Variants in NEIL2 observed in about 807,000 individuals in gnomAD.
NEIL2 encodes nei like DNA glycosylase 2.
In NEIL2, 23 loss-of-function variants were observed where a neutral mutation model predicts 22.2. The ratio of observed to expected loss-of-function variants is 1.04; its 90% CI spans 0.75 to 1.47. The LOEUF is 1.47. Ranked by LOEUF, NEIL2 falls within the 40% of genes most tolerant of loss-of-function variation. The pLI, the probability that NEIL2 is intolerant of heterozygous loss-of-function variation, is 0.00. For synonymous variants in NEIL2, 229 were observed against 164.8 expected (o/e 1.39, Z -2.99); for missense variants, 583 against 404.7 (o/e 1.44, Z -3.78).
chr8:11,781,616 A>T (rs1407941977), intron 3 of NEIL2, among the ~76,000 whole-genome samples: 1 of 152,198 alleles, frequency 6.6e-6, no homozygotes, highest in Non-Finnish European at 1.5e-5. Context: ...CCGTAGAGTG[A>T]ATGTGTATCA....
At chr8:11,785,532 A>G (rs922405764) in intron 4 of NEIL2, among the ~76,000 whole-genome samples, 5 of 152,206 alleles carry the variant, frequency 3.3e-5, no homozygotes, top group African/African-American at 1.2e-4. Context: ...TGAGTACTCT[A>G]CATACCAGCC....
rs1016400534 is a variant in NEIL2, at chr8:11,786,018, C to T, written c.744C>T (p.Leu248=). 8.7e-6 allele frequency: 14 copies of T among 1,614,132 alleles called. No individual in the cohort carries two copies. Among genetic ancestry groups the T allele is most frequent in the East Asian group, 2.2e-5 (1 of 44,890 alleles). Residue 248 remains leucine (L), a synonymous_variant, in exon 5 of 5, where the codon CTC becomes CTT. Coordinates refer to ENST00000284503, the MANE Select transcript of NEIL2 (RefSeq NM_145043.4). ...LYRAGIHPLS[L]GSVLSASRRE... ...GAGCTGGGATCCATCCCCTTTCTCT[C>T]GGTTCAGTCCTGAGTGCCTCGCGTC...
chr8:11,772,700 G>A (rs767948771), intron 2 of NEIL2, among the ~76,000 whole-genome samples: 3 of 152,190 alleles, frequency 2.0e-5, no homozygotes, highest in Admixed American at 6.5e-5. Context: ...GTGCCGGCAC[G>A]TAGGAAGCAC....
chr8:11,785,942 C>G, intron 4 of NEIL2, 21 bp from the exon 5 acceptor site: 1 of 1,611,292 alleles, frequency 6.2e-7, no homozygotes, highest in Non-Finnish European at 8.5e-7. Context: ...CCTTCCCTTA[C>G]CTTCCCCCGC....
chr8:11,785,714 C>T (rs1029572490), intron 4 of NEIL2, among the ~76,000 whole-genome samples: 7 of 152,108 alleles, frequency 4.6e-5, no homozygotes, highest in African/African-American at 1.4e-4. Flanking sequence ...GTCAGATGCC[C>T]GATCCGTTTT....
In NEIL2 at chr8:11,771,296, C is replaced by T. The variant is rs957219606; in HGVS notation, c.-2-150C>T. ...GCTGCTCTTCTCTATGATCTGACCG[C>T]CTCCCAGCCACACTCCCTTTTTGGC... On this transcript the variant is annotated intron_variant, in intron 1 of 4. Transcript: ENST00000284503. 5.4e-6 allele frequency: 5 copies of T among 923,126 alleles called. No homozygotes were observed. The African/African-American group carries it at 6.5e-5, about 12-fold the overall frequency. The allele number at this position is 923,126 out of a possible 1,614,324, so 57.2% of individuals were successfully genotyped here.
At position 11,774,078 on chromosome 8, in the gene NEIL2, A is replaced by G. The variant is rs566256846; in HGVS notation, c.138+2493A>G. Reference sequence around the variant, plus strand: ...AGAGAGCTTGTGCAGGGGAATTACCATTTATAAAACCGTCAGGCCAGGTGC... The same window carrying G: ...AGAGAGCTTGTGCAGGGGAATTACCGTTTATAAAACCGTCAGGCCAGGTGC... On this transcript the variant is annotated intron_variant, in intron 2 of 4. Coordinates refer to ENST00000284503, the MANE Select transcript of NEIL2 (RefSeq NM_145043.4). 1.4e-4 allele frequency among the ~76,000 whole-genome samples: 22 copies of G among 152,288 alleles called. 1 individual carries two copies. In the South Asian group the frequency reaches 4.4e-3, roughly 30 times the overall value.
intron 3 of NEIL2, 199 bp from the exon 4 acceptor site, chr8:11,783,004 C>T: frequency 1.5e-6 from 1 of 649,716 alleles, no homozygotes; most frequent in South Asian, 1.7e-5. Context: ...GTGCATGATC[C>T]AGCCACAGAG....
chr8:11,777,705 G>C lies in NEIL2; in HGVS notation c.139-1893G>C, dbSNP rs1804032443. On this transcript the variant is annotated intron_variant, in intron 2 of 4. Coordinates refer to ENST00000284503, the MANE Select transcript of NEIL2 (RefSeq NM_145043.4). ...AAAGTTCACCCATGTTATAGATAAG[G>C]GAAGATTGGAGATTGTTGTAATCTA... Among the ~76,000 whole-genome samples, 3 of 152,184 alleles carry C rather than the reference G, an allele frequency of 2.0e-5. No individual in the cohort carries two copies. The South Asian group carries it at 6.2e-4, about 32-fold the overall frequency.
chr8:11,786,244 G>T lies in NEIL2; in HGVS notation c.970G>T (p.Glu324Ter), dbSNP rs746888771. Reference sequence around the variant, plus strand: ...CCCGCAGTGCCAGCCCCAGTTGTCAGAGGAGCCAGAGCAGTGCCAGTTCTC... The same window carrying T: ...CCCGCAGTGCCAGCCCCAGTTGTCATAGGAGCCAGAGCAGTGCCAGTTCTC... Reference protein sequence around the residue: ...WCPQCQPQLSEEPEQCQFS With the variant: ...WCPQCQPQLS Residue 324 changes from glutamate (E) to a stop codon, truncating the protein, a stop_gained, in exon 5 of 5, where the codon GAG (glutamate) becomes TAG (stop). Transcript: ENST00000284503. LOFTEE classifies it low-confidence loss of function (END_TRUNC). The T allele has an allele frequency of 1.9e-6, 3 of 1,612,610 alleles. No homozygotes were observed. Among genetic ancestry groups the T allele is most frequent in the Admixed American group, 1.7e-5 (1 of 60,000 alleles).
At position 11,786,177 on chromosome 8, in the gene NEIL2, G is replaced by A. The variant is rs369923124; in HGVS notation, c.903G>A (p.Ala301=). The A allele has an allele frequency of 3.0e-5, 49 of 1,613,874 alleles. No individual in the cohort carries two copies. Among genetic ancestry groups the A allele is most frequent in the East Asian group, 4.5e-5 (2 of 44,874 alleles). Residue 301 remains alanine (A), a synonymous_variant, in exon 5 of 5, where the codon GCG becomes GCA. Transcript: ENST00000284503. ...CPAGHQVMKE[A]FGPEDGLQRL... The stretch of plus-strand genomic sequence containing the variant: ...CTGGCCACCAGGTCATGAAGGAGGC[G>A]TTTGGGCCCGAAGATGGGTTACAGA...
At chr8:11,784,088 G>A (rs1005222423) in intron 4 of NEIL2, among the ~76,000 whole-genome samples, 6 of 152,210 alleles carry the variant, frequency 3.9e-5, no homozygotes, top group African/African-American at 7.2e-5. Flanking sequence ...GGTTGCTGAA[G>A]CAATCAGGCA....
rs201796630 is a variant in NEIL2, at chr8:11,779,750, C to G, written c.291C>G (p.Thr97=). The part of the protein sequence containing the change: ...KQVGEPSGQK[T]LDGSSRSAEL... ...TCGGGGAGCCCAGCGGGCAGAAGAC[C>G]CTTGATGGATCCTCACGGTCTGCAG... is the stretch of plus-strand genomic sequence containing the variant. Residue 97 remains threonine, a synonymous_variant, in exon 3 of 5, where the codon ACC becomes ACG. Coordinates refer to ENST00000284503, the MANE Select transcript of NEIL2 (RefSeq NM_145043.4). The G allele has an allele frequency of 3.9e-5, 63 of 1,614,200 alleles. No homozygotes were observed. The highest frequency in any genetic ancestry group is 2.7e-5 in the African/African-American group (2 of 75,060).
intron 2 of NEIL2, among the ~76,000 whole-genome samples, chr8:11,773,820 G>GA (rs1255160560): frequency 1.3e-5 from 2 of 152,188 alleles, no homozygotes; most frequent in Non-Finnish European, 2.9e-5. Context: ...AACAGACTCA[G>GA]AAAAATGGCT....
intron 2 of NEIL2, among the ~76,000 whole-genome samples, chr8:11,778,077 T>C (rs1428567207): frequency 6.6e-6 from 1 of 152,208 alleles, no homozygotes; most frequent in Non-Finnish European, 1.5e-5. Flanking sequence ...TTGAAGTGGC[T>C]GCAGTGTCAC....
At chr8:11,775,381 G>T (rs1468639566) in intron 2 of NEIL2, among the ~76,000 whole-genome samples, 1 of 152,212 alleles carries the variant, frequency 6.6e-6, no homozygotes, top group Non-Finnish European at 1.5e-5. Flanking sequence ...AGGACACAGG[G>T]CACCAAGTCC....
intron 4 of NEIL2, among the ~76,000 whole-genome samples, chr8:11,785,236 C>T (rs1804798339): frequency 6.6e-6 from 1 of 152,096 alleles, no homozygotes; most frequent in Admixed American, 6.6e-5. Context: ...TGCCATGTTG[C>T]CCAGGCTGGA....
At chr8:11,775,825 CATCT>C (rs1803860788) in intron 2 of NEIL2, among the ~76,000 whole-genome samples, 1 of 152,228 alleles carries the variant, frequency 6.6e-6, no homozygotes, top group African/African-American at 2.4e-5. Context: ...TCCTCATCTC[CATCT>C]GAGACCACTT....
intron 2 of NEIL2, 71 bp from the exon 3 acceptor site, chr8:11,779,527 G>T: frequency 8.1e-7 from 1 of 1,227,360 alleles, no homozygotes. Flanking sequence ...TTTGCAATAG[G>T]ATAAATATCC....
Sources: gnomAD v4.1 joint callset for allele counts (sites outside exome capture counted in the v4.1 genomes callset) on GRCh38, gnomAD v4.1.1 for gene constraint, MANE v1.5 for transcripts, NCBI Gene and HGNC (gene_info 2026-07-23, HGNC 2026-07-21) for gene names.